TRHDE: variants seen among roughly 807,000 people sequenced by gnomAD.
TRHDE encodes thyrotropin-releasing hormone-degrading ectoenzyme.
TRHDE carries 72 observed loss-of-function variants against 125.7 expected under a neutral mutation model. The observed-to-expected ratio is 0.57, with a 90% confidence interval of 0.47 to 0.70. TRHDE has a LOEUF of 0.70. Among genes scored for constraint, TRHDE ranks in the 30% least tolerant of loss-of-function variants. The pLI is 0.00. For synonymous variants in TRHDE, 509 were observed against 509.1 expected (o/e 1.00, Z 0.00); for missense variants, 1,110 against 1,327.1 (o/e 0.84, Z 2.54).
At chr12:72,214,950 C>A (rs1877854364) in intron 2 of TRHDE, among the ~76,000 whole-genome samples, 1 of 152,142 alleles carries the variant, frequency 6.6e-6, no homozygotes, top group African/African-American at 2.4e-5. Context: ...GTCTTTTTCA[C>A]TTTTTAATTC....
chr12:72,238,275 AATATATATATATATATATATATATATAT>A lies in TRHDE; in HGVS notation n.279+132543_279+132570del, dbSNP rs71071820. Among the ~76,000 whole-genome samples, 31 of 38,222 alleles carry A rather than the reference AATATATATATATATATATATATATATAT, an allele frequency of 8.1e-4. 2 individuals carry two copies. Among genetic ancestry groups the A allele is most frequent in the Non-Finnish European group, 1.1e-3 (24 of 22,630 alleles). The allele number at this position is 38,222 out of a possible 152,430, so 25.1% of individuals were successfully genotyped here. Reference sequence around the variant, plus strand: ...AGTGGTCAGAAGTGGTCAGATCCTTAATATATATATATATATATATATATATATATATATATATATATATATACATATA... The same window carrying A: ...AGTGGTCAGAAGTGGTCAGATCCTTAATATATATATATATATATACATATA... On this transcript the variant is annotated intron_variant and non_coding_transcript_variant, in intron 2 of 4. Transcript: ENST00000548156.
intron 6 of TRHDE, among the ~76,000 whole-genome samples, chr12:72,516,482 G>A (rs1029331956): frequency 6.6e-6 from 1 of 151,948 alleles, no homozygotes; most frequent in Non-Finnish European, 1.5e-5. Flanking sequence ...TGTGATTTTT[G>A]TACATTGATT....
At chr12:72,371,444 G>T (rs927829170) in intron 2 of TRHDE, among the ~76,000 whole-genome samples, 1 of 151,242 alleles carries the variant, frequency 6.6e-6, no homozygotes, top group African/African-American at 2.4e-5. Flanking sequence ...ACAATGTGCA[G>T]GTTAGTTATA....
chr12:72,409,908 G>T (rs1170568471), intron 3 of TRHDE, among the ~76,000 whole-genome samples: 1 of 152,014 alleles, frequency 6.6e-6, no homozygotes, highest in Non-Finnish European at 1.5e-5. Context: ...GTGTTTGAAG[G>T]TCCTTGCATT....
At chr12:72,420,366 G>T (rs1873901892) in intron 3 of TRHDE, among the ~76,000 whole-genome samples, 1 of 152,136 alleles carries the variant, frequency 6.6e-6, no homozygotes, top group Non-Finnish European at 1.5e-5. Flanking sequence ...TAGGAGCTGA[G>T]GAAACAATCT....
chr12:72,136,797 A>G (rs750139044), intron 2 of TRHDE, among the ~76,000 whole-genome samples: 6 of 152,146 alleles, frequency 3.9e-5, no homozygotes, highest in Non-Finnish European at 7.4e-5. Context: ...TTTTTATGGC[A>G]TATGTTTTTT....
At chr12:72,376,917 C>T (rs1032432434) in intron 2 of TRHDE, among the ~76,000 whole-genome samples, 1 of 151,292 alleles carries the variant, frequency 6.6e-6, no homozygotes, top group Non-Finnish European at 1.5e-5. Flanking sequence ...ATTCCCTTAT[C>T]TGTAAAATGG....
intron 12 of TRHDE, among the ~76,000 whole-genome samples, chr12:72,612,786 G>T (rs914066572): frequency 6.6e-6 from 1 of 152,008 alleles, no homozygotes; most frequent in Non-Finnish European, 1.5e-5. Context: ...TAAAACTAAG[G>T]TTTTTTTCTC....
rs1565670057 is a variant in TRHDE, at chr12:72,238,341, ATAT to A, written n.279+132590_279+132592del. Among the ~76,000 whole-genome samples, 9 of 43,264 alleles carry A rather than the reference ATAT, an allele frequency of 2.1e-4. 1 individual carries two copies. Among genetic ancestry groups the A allele is most frequent in the African/African-American group, 6.8e-4 (8 of 11,730 alleles). The allele number at this position is 43,264 out of a possible 152,430, so 28.4% of individuals were successfully genotyped here. A position where few individuals can be genotyped will look rare whatever the true frequency, so the allele number is the denominator to read the frequency against. ...ATATATACATATATATATACACATT[ATAT>A]ATATATATATATATATATACACATA... On this transcript the variant is annotated intron_variant and non_coding_transcript_variant, in intron 2 of 4. Coordinates refer to the TRHDE transcript ENST00000548156.
chr12:72,643,384 G>T (rs143519455), intron 15 of TRHDE, among the ~76,000 whole-genome samples: 1 of 152,078 alleles, frequency 6.6e-6, no homozygotes. Context: ...GCTATGTGAC[G>T]AACAGCCATT....
At chr12:72,289,212 C>G (rs370770541) in intron 2 of TRHDE, among the ~76,000 whole-genome samples, 13 of 152,076 alleles carry the variant, frequency 8.5e-5, no homozygotes, top group African/African-American at 2.9e-4. Flanking sequence ...GAAGCTGAAG[C>G]AATTTTCTTT....
At chr12:72,603,458 T>G (rs1302091758) in intron 12 of TRHDE, among the ~76,000 whole-genome samples, 2 of 151,960 alleles carry the variant, frequency 1.3e-5, no homozygotes, top group African/African-American at 2.4e-5. Context: ...GAGCGCGGTG[T>G]CTCAAGCCTG....
chr12:72,292,275 A>C (rs1201942929), intron 2 of TRHDE, among the ~76,000 whole-genome samples: 1 of 152,208 alleles, frequency 6.6e-6, no homozygotes. Flanking sequence ...TTTTGTCCTG[A>C]CAGTGACCTG....
chr12:72,263,817 C>T (rs1202336021), intron 2 of TRHDE: 2 of 152,078 alleles, frequency 1.3e-5, no homozygotes. Flanking sequence ...GGTGTGCTTC[C>T]AGCATAGCTA....
At chr12:72,615,977 T>G (rs1872796640) in intron 12 of TRHDE, among the ~76,000 whole-genome samples, 1 of 152,114 alleles carries the variant, frequency 6.6e-6, no homozygotes, top group African/African-American at 2.4e-5. Context: ...CACATTCATA[T>G]TCTATTGGCT....
Position 72,175,252 on chromosome 12 carries a change from G to A in TRHDE, n.279+69500G>A, listed in dbSNP as rs145741273. Among the ~76,000 whole-genome samples, 32 of 152,222 alleles carry A rather than the reference G, an allele frequency of 2.1e-4. No homozygotes were observed. The East Asian group carries it at 4.3e-3, about 20-fold the overall frequency. On this transcript the variant is annotated intron_variant and non_coding_transcript_variant, in intron 2 of 4. Coordinates refer to the TRHDE transcript ENST00000548156. ...ATCTAAGTGGAATCATGCACTGTTC[G>A]TTCTTCTGTGACTGACTTTTTTCAT...
chr12:72,403,036 T>C (rs1873111550), intron 3 of TRHDE, among the ~76,000 whole-genome samples: 1 of 152,158 alleles, frequency 6.6e-6, no homozygotes, highest in Non-Finnish European at 1.5e-5. Context: ...TAGTTAAGCC[T>C]GGAAAAATCT....
intron 3 of TRHDE, among the ~76,000 whole-genome samples, chr12:72,458,030 G>T (rs1875945394): frequency 6.6e-6 from 1 of 152,116 alleles, no homozygotes; most frequent in Non-Finnish European, 1.5e-5. Context: ...TCCATGCTGT[G>T]GGATGGGCCC....
At chr12:72,446,678 T>C (rs1275283193) in intron 3 of TRHDE, among the ~76,000 whole-genome samples, 2 of 151,816 alleles carry the variant, frequency 1.3e-5, no homozygotes, top group African/African-American at 2.4e-5. Context: ...ACCAAGCAAA[T>C]GGAAAACAAC....
Sources: gnomAD v4.1 joint callset for allele counts (sites outside exome capture counted in the v4.1 genomes callset) on GRCh38, gnomAD v4.1.1 for gene constraint, MANE v1.5 for transcripts, NCBI Gene and HGNC (gene_info 2026-07-23, HGNC 2026-07-21) for gene names.